Variants in DET1 observed in about 807,000 individuals in gnomAD.
The protein encoded by DET1 is DET1 homolog.
Under a neutral mutation model 43.7 loss-of-function variants are expected in DET1, and 22 were observed. That is an observed-to-expected ratio of 0.50 (90% CI 0.36 to 0.72). The LOEUF is 0.72. DET1 is among the 30% of genes least tolerant of loss of function. The pLI is 0.00. For synonymous variants in DET1, 315 were observed against 266.2 expected (o/e 1.18, Z -1.79); for missense variants, 713 against 713.3 (o/e 1.00, Z 0.00).
intron 3 of DET1, among the ~76,000 whole-genome samples, chr15:88,520,394 AAG>A (rs1223688493): frequency 8.5e-5 from 13 of 152,196 alleles, no homozygotes; most frequent in Admixed American, 7.9e-4. Flanking sequence ...TACTCTTGTC[AAG>A]GTCACCAATG....
Position 88,531,159 on chromosome 15 carries a change from T to TG in DET1, c.546dup (p.Asn183GlnfsTer15). 1 of 1,613,788 alleles carries TG rather than the reference T, an allele frequency of 6.2e-7. No homozygotes were observed. Among genetic ancestry groups the TG allele is most frequent in the Non-Finnish European group, 8.5e-7 (1 of 1,179,836 alleles). ...TAGTCTTCTAGAGGGGACCGTGGGT[T>TG]GGGGGTCACTGATTCACTGTTCCGA... is the stretch of plus-strand genomic sequence containing the variant. On this transcript the variant is annotated frameshift_variant, in exon 2 of 5. Transcript: ENST00000268148. LOFTEE classifies it high-confidence loss of function. The surrounding 1 kb of genome is among the most constrained non-coding windows in gnomAD (Gnocchi z 6.2).
chr15:88,513,955 A>G (rs1477200201), intron 4 of DET1, among the ~76,000 whole-genome samples: 1 of 149,360 alleles, frequency 6.7e-6, no homozygotes, highest in Non-Finnish European at 1.5e-5. Flanking sequence ...GCCCGCTACC[A>G]CGCCCGGCTA....
intron 1 of DET1, among the ~76,000 whole-genome samples, chr15:88,537,663 G>A (rs535186392): frequency 1.2e-4 from 19 of 152,250 alleles, no homozygotes; most frequent in Non-Finnish European, 2.2e-4. Flanking sequence ...CGACCAGTAC[G>A]CAAACACTAT....
At position 88,531,282 on chromosome 15, in the gene DET1, G is replaced by T. The variant is rs765216295; in HGVS notation, c.424C>A (p.Arg142=). 1.1e-5 allele frequency: 17 copies of T among 1,613,722 alleles called. No individual in the cohort carries two copies. In the African/African-American group the frequency reaches 2.1e-4, roughly 20 times the overall value. The part of the protein sequence containing the change: ...NVAANGEHLN[R]ECSLFTDDCR... ...TCATCAGTGAAGAGACTACACTCCC[G>T]GTTCAGGTGCTCACCATTGGCCGCA... Residue 142 remains arginine, a synonymous_variant, in exon 2 of 5, where the codon CGG becomes AGG. Transcript: ENST00000268148. This position sits in a 1 kb window ranked among gnomAD's most constrained non-coding sequence, Gnocchi z 6.2.
In DET1 at chr15:88,516,635, A is replaced by C. The variant is rs147340780; in HGVS notation, c.1463+147T>G. On this transcript the variant is annotated intron_variant, in intron 4 of 4. Transcript: ENST00000268148. This position sits in a 1 kb window ranked among gnomAD's most constrained non-coding sequence, Gnocchi z 4.4. ...TAGCACCTAAATGATCACAGCTCTCACTGCATTATAGAAATAGCCTGCCTT... is the reference window on the plus strand; with the variant it reads ...TAGCACCTAAATGATCACAGCTCTCCCTGCATTATAGAAATAGCCTGCCTT... The C allele has an allele frequency of 0.026, 15,907 of 616,228 alleles. 275 individuals are homozygous for C. The highest frequency in any genetic ancestry group is 0.053 in the Middle Eastern group (122 of 2,286). The allele number at this position is 616,228 out of a possible 1,614,324, so 38.2% of individuals were successfully genotyped here.
intron 1 of DET1, among the ~76,000 whole-genome samples, chr15:88,533,107 C>A (rs1167225983): frequency 2.0e-5 from 3 of 151,874 alleles, no homozygotes; most frequent in Non-Finnish European, 2.9e-5. Flanking sequence ...AATCATATAC[C>A]CAATTTTAAA....
chr15:88,527,952 G>A (rs543423056), intron 2 of DET1, among the ~76,000 whole-genome samples, 166 bp from the exon 3 acceptor site: 1 of 152,250 alleles, frequency 6.6e-6, no homozygotes, highest in East Asian at 1.9e-4. Context: ...CACTAAGGTG[G>A]AAACATGGCT....
intron 1 of DET1, among the ~76,000 whole-genome samples, chr15:88,540,580 G>T (rs1465449494): frequency 1.3e-5 from 2 of 151,928 alleles, no homozygotes; most frequent in Non-Finnish European, 2.9e-5. Context: ...AGATCAGATT[G>T]TTACTGTGTC....
At chr15:88,527,854 T>C (rs1432144107) in intron 2 of DET1, 68 bp from the exon 3 acceptor site, 7 of 1,234,890 alleles carry the variant, frequency 5.7e-6, no homozygotes, top group South Asian at 2.8e-5. Flanking sequence ...AACTTAGCAC[T>C]TATTACTTGG....
chr15:88,509,168 ATG>A (rs767895220), downstream of DET1, among the ~76,000 whole-genome samples: 22 of 152,134 alleles, frequency 1.4e-4, no homozygotes, highest in Admixed American at 2.6e-4. Flanking sequence ...GAGTTTTTTA[ATG>A]TGTTTTTAAT....
chr15:88,509,337 G>A (rs1291509635), downstream of DET1, among the ~76,000 whole-genome samples: 1 of 152,216 alleles, frequency 6.6e-6, no homozygotes, highest in Non-Finnish European at 1.5e-5. Flanking sequence ...GGGTTTTGAA[G>A]TGAGAGGCAA....
At chr15:88,510,219 A>C (rs1274341022), downstream of DET1, among the ~76,000 whole-genome samples, 1 of 152,196 alleles carries the variant, frequency 6.6e-6, no homozygotes, top group African/African-American at 2.4e-5. Flanking sequence ...AGAGGTGGGC[A>C]GTTTGAGGTG....
intron 1 of DET1, among the ~76,000 whole-genome samples, chr15:88,536,823 T>C (rs1021797378): frequency 7.5e-6 from 1 of 132,886 alleles, no homozygotes; most frequent in Non-Finnish European, 1.6e-5. Flanking sequence ...CCTAAAAGGC[T>C]AAAAGACACA....
intron 4 of DET1, among the ~76,000 whole-genome samples, chr15:88,515,415 T>A (rs1598316202): frequency 6.6e-6 from 1 of 151,344 alleles, no homozygotes; most frequent in African/African-American, 2.4e-5. Flanking sequence ...GGTGGGCGCC[T>A]GTAATCCCAG....
chr15:88,508,913 G>C (rs539709156), downstream of DET1, among the ~76,000 whole-genome samples: 17 of 152,344 alleles, frequency 1.1e-4, no homozygotes, highest in African/African-American at 4.1e-4. Context: ...TATGATGCAA[G>C]ATAGATAAAA....
At chr15:88,533,877 T>C (rs1174981227) in intron 1 of DET1, among the ~76,000 whole-genome samples, 9 of 69,006 alleles carry the variant, frequency 1.3e-4, no homozygotes, top group African/African-American at 3.7e-4. Flanking sequence ...AAAAAAAAAA[T>C]TAATGTAAAA....
At position 88,531,720 on chromosome 15, in the gene DET1, A is replaced by G. The variant is rs756354184; in HGVS notation, c.-10-5T>C. 2 of 1,590,010 alleles carry G rather than the reference A, an allele frequency of 1.3e-6. No individual in the cohort carries two copies. The highest frequency in any genetic ancestry group is 1.7e-6 in the Non-Finnish European group (2 of 1,165,040). Reference sequence around the variant, plus strand: ...TGATGATCCATTATCACATCTCTAAACAGAAAAGTAAAGCAGAAGTCAAGA... The same window carrying G: ...TGATGATCCATTATCACATCTCTAAGCAGAAAAGTAAAGCAGAAGTCAAGA... On this transcript the variant is annotated splice_region_variant and splice_polypyrimidine_tract_variant and intron_variant, in intron 1 of 4. Transcript: ENST00000268148. The surrounding 1 kb of genome is among the most constrained non-coding windows in gnomAD (Gnocchi z 6.2).
At chr15:88,546,498 C>T (rs2057261091) in intron 1 of DET1, 42 bp downstream of exon 1, 1 of 152,508 alleles carries the variant, frequency 6.6e-6, no homozygotes, top group Non-Finnish European at 1.5e-5. Flanking sequence ...CGGGGAGGGT[C>T]TGACGGGCTT....
At chr15:88,528,935 CT>C (rs529368553) in intron 2 of DET1, among the ~76,000 whole-genome samples, 2 of 152,278 alleles carry the variant, frequency 1.3e-5, no homozygotes, top group South Asian at 4.1e-4. Context: ...TTACCGAGGC[CT>C]TGTGTTTGGA....
Sources: allele counts gnomAD v4.1 joint callset (sites outside exome capture counted in the v4.1 genomes callset), GRCh38; gene constraint gnomAD v4.1.1; non-coding constraint Gnocchi (gnomAD v3.1); transcripts MANE v1.5; gene names NCBI Gene and HGNC (gene_info 2026-07-23, HGNC 2026-07-21).